Variants in SOX13 observed in about 807,000 individuals in gnomAD.
SOX13 encodes the protein SRY-box transcription factor 13.
A neutral mutation model predicts 71.8 loss-of-function variants in SOX13; 28 were observed. The ratio of observed to expected loss-of-function variants is 0.39; its 90% CI spans 0.29 to 0.53. The LOEUF is 0.53. Among genes scored for constraint, SOX13 ranks in the 20% least tolerant of loss-of-function variants. The pLI is 0.70. For synonymous variants in SOX13, 309 were observed against 317.8 expected, an observed-to-expected ratio of 0.97 and a Z score of 0.29; for missense variants, 627 against 810.3, an observed-to-expected ratio of 0.77 and a Z score of 2.75.
intron 1 of SOX13, among the ~76,000 whole-genome samples, chr1:204,098,140 T>C (rs1324381080): frequency 6.6e-6 from 1 of 152,194 alleles, no homozygotes; most frequent in Admixed American, 6.5e-5. Context: ...GGATTACAGA[T>C]GTGAGTCACC....
chr1:204,117,041 C>A, intron 5 of SOX13, 81 bp from the exon 6 acceptor site: 1 of 1,383,378 alleles, frequency 7.2e-7, no homozygotes, highest in Non-Finnish European at 1.0e-6. Flanking sequence ...CTGTAGAAAG[C>A]AGGGTGTGGT....
chr1:204,080,247 G>C (rs551494103), intron 1 of SOX13, among the ~76,000 whole-genome samples: 1 of 152,282 alleles, frequency 6.6e-6, no homozygotes, highest in South Asian at 2.1e-4. Context: ...CATTTAAATA[G>C]CCTTGGCATG....
intron 4 of SOX13, among the ~76,000 whole-genome samples, chr1:204,115,038 G>A (rs1413978152): frequency 6.7e-6 from 1 of 150,258 alleles, no homozygotes; most frequent in Non-Finnish European, 1.5e-5. Context: ...TTAAGATACA[G>A]TCTCCCTGTG....
At chr1:204,080,588 C>A (rs972467346) in intron 1 of SOX13, among the ~76,000 whole-genome samples, 1 of 151,968 alleles carries the variant, frequency 6.6e-6, no homozygotes, top group Non-Finnish European at 1.5e-5. Flanking sequence ...GAATGTGCAG[C>A]CTGTGGAACA....
intron 13 of SOX13, among the ~76,000 whole-genome samples, 152 bp from the exon 14 acceptor site, chr1:204,125,706 G>A (rs907806522): frequency 6.6e-6 from 1 of 152,222 alleles, no homozygotes; most frequent in Non-Finnish European, 1.5e-5. Context: ...AGTGAATTTG[G>A]CCATCAGAAA....
Position 204,122,328 on chromosome 1 carries a change from G to C in SOX13, c.953G>C (p.Cys318Ser), listed in dbSNP as rs765154503. 90 of 1,568,986 alleles carry C rather than the reference G, an allele frequency of 5.7e-5. No homozygotes were observed. Among genetic ancestry groups the C allele is most frequent in the Non-Finnish European group, 7.2e-5 (83 of 1,155,884 alleles). Residue 318 changes from cysteine to serine, a missense_variant, in exon 9 of 14, where the codon TGT becomes TCT. This residue lies in a region of SOX13 where 447 missense variants were observed against 532.2 expected (regional missense o/e 0.84). Transcript: ENST00000367204. ...TCCCCAAGCCTGAAGATGAGCAGCT[G>C]TGTGCCCCGCCCCCCCAGCCATGGA... ...SSSPSLKMSS[C>S]VPRPPSHGGP...
At chr1:204,107,422 G>C (rs145155306) in intron 1 of SOX13, among the ~76,000 whole-genome samples, 51 of 152,244 alleles carry the variant, frequency 3.3e-4, no homozygotes, top group African/African-American at 1.2e-3. Flanking sequence ...TGACAGAGCA[G>C]TGACCACATA....
In SOX13 at chr1:204,097,693, CAA is replaced by C. The variant is rs35230746; in HGVS notation, c.-1-15208_-1-15207del. On this transcript the variant is annotated intron_variant, in intron 1 of 13. Coordinates refer to ENST00000367204, the MANE Select transcript of SOX13 (RefSeq NM_005686.3). Reference sequence around the variant, plus strand: ...ATGCAACAAAAGCGAAACTCCGTCTCAAAAAAAAAAAAAAAGAAAAGAAAAGA... The same window carrying C: ...ATGCAACAAAAGCGAAACTCCGTCTCAAAAAAAAAAAAAGAAAAGAAAAGA... Among the ~76,000 whole-genome samples, 347 of 69,936 alleles carry C rather than the reference CAA, an allele frequency of 5.0e-3. 3 individuals are homozygous for C. Among genetic ancestry groups the C allele is most frequent in the South Asian group, 0.05 (98 of 1,976 alleles). The allele number at this position is 69,936 out of a possible 152,430, so 45.9% of individuals were successfully genotyped here. A position where few individuals can be genotyped will look rare whatever the true frequency, so the allele number is the denominator to read the frequency against.
chr1:204,115,280 T>C (rs1030769364), intron 4 of SOX13, among the ~76,000 whole-genome samples: 1 of 151,816 alleles, frequency 6.6e-6, no homozygotes, highest in African/African-American at 2.4e-5. Context: ...ATTGCTAGGA[T>C]TGCAGGCATG....
At chr1:204,110,024 G>T (rs1325913105) in intron 1 of SOX13, among the ~76,000 whole-genome samples, 1 of 151,772 alleles carries the variant, frequency 6.6e-6, no homozygotes, top group Non-Finnish European at 1.5e-5. Context: ...TAGAGATGGG[G>T]TTTCTCCATG....
chr1:204,104,075 G>C (rs576883159), intron 1 of SOX13, among the ~76,000 whole-genome samples: 1 of 152,352 alleles, frequency 6.6e-6, no homozygotes, highest in Non-Finnish European at 1.5e-5. Context: ...TTGGGCCAGG[G>C]TCAGCTGAGT....
At position 204,126,050 on chromosome 1, in the gene SOX13, T is replaced by C. The variant is rs776047626; in HGVS notation, c.1785T>C (p.Asp595=). ...CAGATGACAGGCACTCGGTGGCTGA[T>C]GGCGAGATGTACCGGTACAGCGAGG... The part of the protein sequence containing the change: ...EGTDDRHSVA[D]GEMYRYSEDE... Residue 595 remains aspartate (D), a synonymous_variant, in exon 14 of 14, where the codon GAT becomes GAC. Transcript: ENST00000367204. 6.2e-6 allele frequency: 10 copies of C among 1,613,778 alleles called. No homozygotes were observed. In the East Asian group the frequency reaches 1.6e-4, roughly 25 times the overall value.
intron 1 of SOX13, among the ~76,000 whole-genome samples, chr1:204,087,266 C>G (rs1656043775): frequency 1.3e-5 from 2 of 152,214 alleles, no homozygotes; most frequent in Admixed American, 6.5e-5. Flanking sequence ...AAGGGCCAGG[C>G]TGCCCATCAC....
rs1240059628 is a variant in SOX13, at chr1:204,081,354, T to C, written c.-2+7643T>C. On this transcript the variant is annotated intron_variant, in intron 1 of 13. Coordinates refer to ENST00000367204, the MANE Select transcript of SOX13 (RefSeq NM_005686.3). This position sits in a 1 kb window ranked among gnomAD's most constrained non-coding sequence, Gnocchi z 4.3. The stretch of plus-strand genomic sequence containing the variant: ...AAATAAATCTAATATTTCCAGATAG[T>C]GAAACAGAAATGTCATCAGTGTTTG... Among the ~76,000 whole-genome samples, 3 of 152,248 alleles carry C rather than the reference T, an allele frequency of 2.0e-5. No individual in the cohort carries two copies. In the South Asian group the frequency reaches 6.2e-4, roughly 31 times the overall value.
chr1:204,117,676 C>T lies in SOX13; in HGVS notation c.744C>T (p.Ala248=). Residue 248 remains alanine (A), a synonymous_variant, in exon 7 of 14, where the codon GCC becomes GCT. Coordinates refer to ENST00000367204, the MANE Select transcript of SOX13 (RefSeq NM_005686.3). ...CTGTCACCCCTGACTCCCAGCTGGC[C>T]TTACCCATTCAGCCCATTCCCTGCA... ...PLPVTPDSQL[A]LPIQPIPCKP... is the part of the protein sequence containing the mutation. 6.2e-7 allele frequency: 1 copy of T among 1,613,606 alleles called. No individual in the cohort carries two copies. Among genetic ancestry groups the T allele is most frequent in the Non-Finnish European group, 8.5e-7 (1 of 1,179,730 alleles).
Position 204,125,854 on chromosome 1 carries a change from A to G in SOX13, c.1593-4A>G. ...CATCACCGTTCCCCTTCTCTGCCCC[A>G]CAGCCCGCAGGCTGGCCAGGTGCAG... On this transcript the variant is annotated splice_region_variant and splice_polypyrimidine_tract_variant and intron_variant, in intron 13 of 13. Coordinates refer to ENST00000367204, the MANE Select transcript of SOX13 (RefSeq NM_005686.3). 1 of 1,606,882 alleles carries G rather than the reference A, an allele frequency of 6.2e-7. No homozygotes were observed. The highest frequency in any genetic ancestry group is 1.1e-5 in the South Asian group (1 of 90,824).
intron 7 of SOX13, 29 bp from the exon 8 acceptor site, chr1:204,121,871 G>A: frequency 6.6e-7 from 1 of 1,517,218 alleles, no homozygotes; most frequent in Non-Finnish European, 9.2e-7. Flanking sequence ...GCTCATCCAG[G>A]ACTTTTCTCC....
intron 1 of SOX13, among the ~76,000 whole-genome samples, chr1:204,078,556 C>T (rs938795113): frequency 9.9e-5 from 15 of 152,164 alleles, no homozygotes; most frequent in Non-Finnish European, 1.8e-4. Context: ...TAAGAGGGCT[C>T]GCTCCTGCCT....
At chr1:204,095,287 T>C (rs1397742486) in intron 1 of SOX13, among the ~76,000 whole-genome samples, 1 of 152,208 alleles carries the variant, frequency 6.6e-6, no homozygotes, top group Non-Finnish European at 1.5e-5. Context: ...AATCTCTTTC[T>C]CTATCCCCAT....
Sources: gnomAD v4.1 joint callset for allele counts (sites outside exome capture counted in the v4.1 genomes callset) on GRCh38, gnomAD v4.1.1 for gene constraint, gnomAD v4.1.1 regional missense constraint, Gnocchi (gnomAD v3.1) non-coding constraint, MANE v1.5 for transcripts, NCBI Gene and HGNC (gene_info 2026-07-23, HGNC 2026-07-21) for gene names.